The following PTPRK variants were observed in gnomAD, a reference collection of about 807,000 sequenced individuals.
PTPRK encodes the protein protein tyrosine phosphatase receptor type K.
Under a neutral mutation model 178.0 loss-of-function variants are expected in PTPRK, and 75 were observed. The ratio of observed to expected loss-of-function variants is 0.42; its 90% CI spans 0.35 to 0.51. The LOEUF (loss-of-function observed/expected upper bound fraction) is 0.51, where lower values mean the gene tolerates loss of function less well. PTPRK is among the 20% of genes least tolerant of loss of function. The probability of loss-of-function intolerance (pLI) is 0.02; values close to 1 mark genes in which losing one functional copy is unlikely to be tolerated. For synonymous variants in PTPRK, 637 were observed against 620.6 expected, an observed-to-expected ratio of 1.03 and a Z score of -0.39; for missense variants, 1,441 against 1,797.8, an observed-to-expected ratio of 0.80 and a Z score of 3.59.
intron 23 of PTPRK, 80 bp from the exon 24 acceptor site, chr6:127,983,060 A>T: frequency 7.0e-7 from 1 of 1,437,230 alleles, no homozygotes; most frequent in Non-Finnish European, 9.5e-7. Flanking sequence ...AATACAGAAA[A>T]TTTTCTCTAT....
chr6:128,028,866 C>T (rs181933767), intron 13 of PTPRK, among the ~76,000 whole-genome samples: 184 of 152,238 alleles, frequency 1.2e-3, no homozygotes, highest in African/African-American at 3.8e-3. Flanking sequence ...GGATGTTAAA[C>T]GGACTCTATT....
chr6:128,450,224 A>G (rs1847612097), intron 1 of PTPRK, among the ~76,000 whole-genome samples: 1 of 152,182 alleles, frequency 6.6e-6, no homozygotes, highest in Non-Finnish European at 1.5e-5. Flanking sequence ...CTTAAACCAT[A>G]TTTGTGTCTA....
chr6:128,401,630 C>T (rs1841030617), intron 1 of PTPRK, among the ~76,000 whole-genome samples: 1 of 152,122 alleles, frequency 6.6e-6, no homozygotes, highest in South Asian at 2.1e-4. Context: ...ATCTTCCACA[C>T]TCTCCCCTCC....
intron 13 of PTPRK, among the ~76,000 whole-genome samples, chr6:128,022,423 G>A (rs747520038): frequency 1.7e-4 from 26 of 152,222 alleles, no homozygotes; most frequent in Middle Eastern, 3.4e-3. Context: ...CAGCCTTTAA[G>A]CAAGTGACTT....
intron 1 of PTPRK, among the ~76,000 whole-genome samples, chr6:128,475,059 C>T (rs11965229): frequency 1.2e-4 from 19 of 152,224 alleles, no homozygotes; most frequent in African/African-American, 4.6e-4. Context: ...TTGTGGGAAG[C>T]TAAGAAATTA....
intron 3 of PTPRK, among the ~76,000 whole-genome samples, chr6:128,296,058 G>A (rs1824300062): frequency 6.6e-6 from 1 of 152,018 alleles, no homozygotes; most frequent in Non-Finnish European, 1.5e-5. Context: ...CTGAGTCAAG[G>A]GCAAGTCCTT....
intron 3 of PTPRK, among the ~76,000 whole-genome samples, chr6:128,294,061 A>G (rs1823852165): frequency 6.6e-6 from 1 of 152,036 alleles, no homozygotes; most frequent in African/African-American, 2.4e-5. Flanking sequence ...CCCCATCTCC[A>G]TCATATTACA....
At chr6:128,064,675 G>A (rs1026921732) in intron 13 of PTPRK, 83 bp downstream of exon 13, 2 of 1,494,980 alleles carry the variant, frequency 1.3e-6, no homozygotes, top group Admixed American at 2.5e-5. Flanking sequence ...GTCATATTTA[G>A]CCCTGAAGCA....
At chr6:128,382,542 G>A (rs1419413156) in intron 2 of PTPRK, among the ~76,000 whole-genome samples, 1 of 151,592 alleles carries the variant, frequency 6.6e-6, no homozygotes, top group Non-Finnish European at 1.5e-5. Flanking sequence ...CAAGTAGCTG[G>A]GATTACAGGC....
rs138001001 is a variant in PTPRK at position 128,290,577 on chromosome 6, G to T, written c.495+31462C>A. 1.5e-4 allele frequency among the ~76,000 whole-genome samples: 23 copies of T among 152,112 alleles called. No homozygotes were observed. In the East Asian group the frequency reaches 4.4e-3, roughly 29 times the overall value. On this transcript the variant is annotated intron_variant, in intron 3 of 29. Transcript: ENST00000368226. ...TCATCAGAATACCTCCTCAGGCTTG[G>T]GAAACCCTGGTGTAGAGATTAGGGG... is the stretch of plus-strand genomic sequence containing the variant.
At chr6:128,226,775 T>TATATATATATAG (rs1330492277) in intron 5 of PTPRK, among the ~76,000 whole-genome samples, 30 of 130,686 alleles carry the variant, frequency 2.3e-4, no homozygotes, top group Middle Eastern at 3.6e-3. Flanking sequence ...TATATATATA[T>TATATATATATAG]ATATATATAT....
rs868335960 is a variant in PTPRK at position 128,470,326 on chromosome 6, G to T, written c.100+49933C>A. Among the ~76,000 whole-genome samples, 7 of 151,466 alleles carry T rather than the reference G, an allele frequency of 4.6e-5. No homozygotes were observed. The South Asian group carries it at 1.2e-3, about 27-fold the overall frequency. ...TTTTCTAGAGTTCTCAAGTGTTTTTGTGTCCTGAATGCTAATTATGAAGTG... is the reference window on the plus strand; with the variant it reads ...TTTTCTAGAGTTCTCAAGTGTTTTTTTGTCCTGAATGCTAATTATGAAGTG... On this transcript the variant is annotated intron_variant, in intron 1 of 29. Coordinates refer to ENST00000368226, the MANE Select transcript of PTPRK (RefSeq NM_002844.4).
At chr6:128,393,147 A>G (rs944575431) in intron 2 of PTPRK, among the ~76,000 whole-genome samples, 1 of 146,214 alleles carries the variant, frequency 6.8e-6, no homozygotes, top group Non-Finnish European at 1.5e-5. Context: ...GCTGCAGTGC[A>G]GTGGCCTGAT....
chr6:128,400,736 G>C (rs1348499093), intron 1 of PTPRK, among the ~76,000 whole-genome samples: 2 of 152,030 alleles, frequency 1.3e-5, no homozygotes, highest in Non-Finnish European at 2.9e-5. Context: ...TATCATACGT[G>C]GTCCTCAATA....
In PTPRK at chr6:128,310,415, G is replaced by A. The variant is rs900538297; in HGVS notation, c.495+11624C>T. 3.3e-5 allele frequency among the ~76,000 whole-genome samples: 5 copies of A among 152,046 alleles called. No individual in the cohort carries two copies. In the East Asian group the frequency reaches 7.7e-4, roughly 23 times the overall value. On this transcript the variant is annotated intron_variant, in intron 3 of 29. Coordinates refer to ENST00000368226, the MANE Select transcript of PTPRK (RefSeq NM_002844.4). ...GAAGCACAGGATAACGTTGCCTTCC[G>A]TATCCTTTGCTGGATGTTTTTCCAA...
At chr6:128,179,216 G>A (rs1801548016) in intron 7 of PTPRK, among the ~76,000 whole-genome samples, 1 of 151,954 alleles carries the variant, frequency 6.6e-6, no homozygotes, top group Admixed American at 6.6e-5. Context: ...AGGAGCTTAA[G>A]TGTGAGGCAT....
At chr6:128,390,695 C>T (rs995920782) in intron 2 of PTPRK, among the ~76,000 whole-genome samples, 2 of 152,094 alleles carry the variant, frequency 1.3e-5, no homozygotes, top group Non-Finnish European at 2.9e-5. Flanking sequence ...CCCTGGGTGA[C>T]AATTATTCTA....
rs1314151493 is a variant in PTPRK, at chr6:128,107,760, T to C, written c.1163-17768A>G. Among the ~76,000 whole-genome samples, 3 of 152,334 alleles carry C rather than the reference T, an allele frequency of 2.0e-5. No homozygotes were observed. The East Asian group carries it at 5.8e-4, about 29-fold the overall frequency. ...AATTTGAGAGATGAAGATTTTCAAGTGTCTCTAATAGAAAACTTGACTCTC... is the reference window on the plus strand; with the variant it reads ...AATTTGAGAGATGAAGATTTTCAAGCGTCTCTAATAGAAAACTTGACTCTC... On this transcript the variant is annotated intron_variant, in intron 7 of 29. Coordinates refer to ENST00000368226, the MANE Select transcript of PTPRK (RefSeq NM_002844.4).
chr6:128,341,665 G>C (rs1413694004), intron 2 of PTPRK, among the ~76,000 whole-genome samples: 3 of 152,098 alleles, frequency 2.0e-5, no homozygotes, highest in African/African-American at 7.2e-5. Context: ...CTTGATGCTA[G>C]GAAAGGCTTT....
Sources: gnomAD v4.1 joint callset for allele counts (sites outside exome capture counted in the v4.1 genomes callset) on GRCh38, gnomAD v4.1.1 for gene constraint, MANE v1.5 for transcripts, NCBI Gene and HGNC (gene_info 2026-07-23, HGNC 2026-07-21) for gene names.